The following DMD variants were observed in gnomAD, a reference collection of about 807,000 sequenced individuals.
DMD encodes mutant dystrophin.
Under a neutral mutation model 330.1 loss-of-function variants are expected in DMD, and 63 were observed. The ratio of observed to expected loss-of-function variants is 0.19; its 90% CI spans 0.16 to 0.24. The LOEUF (loss-of-function observed/expected upper bound fraction) is 0.24. DMD is among the 10% of genes least tolerant of loss of function. DMD has a pLI of 1.00. For synonymous variants in DMD, 1,223 were observed against 959.8 expected (o/e 1.27, Z -5.07); for missense variants, 3,344 against 2,684.1 (o/e 1.25, Z -5.43).
At chrX:33,008,428 T>G (rs1164914098) in intron 2 of DMD, among the ~76,000 whole-genome samples, 1 of 110,880 alleles carries the variant, frequency 9.0e-6, no homozygotes, top group Non-Finnish European at 1.9e-5. Flanking sequence ...AGGTTAAAAA[T>G]GCAACACCCT....
chrX:33,045,772 T>C (rs963130591), intron 1 of DMD, among the ~76,000 whole-genome samples: 2 of 110,859 alleles, frequency 1.8e-5, no homozygotes, highest in Non-Finnish European at 3.8e-5. Context: ...TGCTGAAAAA[T>C]AGTGCCCAAC....
intron 1 of DMD, among the ~76,000 whole-genome samples, chrX:33,026,313 CAAAAAAAAAAAAAAA>C (rs56794668): frequency 7.0e-4 from 23 of 32,779 alleles, no homozygotes; most frequent in Admixed American, 1.3e-3. Context: ...GACTCCGTCT[CAAAAAAAAAAAAAAA>C]AAAAAAAAAA....
chrX:31,909,844 G>C (rs750243954), intron 47 of DMD, among the ~76,000 whole-genome samples: 39 of 112,633 alleles, frequency 3.5e-4, no homozygotes, highest in Non-Finnish European at 6.4e-4. Context: ...ATGTGAAATA[G>C]TGTGAATAAT....
At chrX:32,655,299 A>T (rs1471791276) in intron 9 of DMD, among the ~76,000 whole-genome samples, 1 of 112,111 alleles carries the variant, frequency 8.9e-6, no homozygotes, top group Non-Finnish European at 1.9e-5. Flanking sequence ...CCCTCTACAC[A>T]CTGCTTTAAA....
intron 62 of DMD, chrX:31,267,058 C>A (rs371966146): frequency 5.4e-6 from 2 of 367,942 alleles, no homozygotes; most frequent in African/African-American, 2.7e-5. Flanking sequence ...CCCGGACACC[C>A]AGAGACTGGG....
intron 1 of DMD, among the ~76,000 whole-genome samples, chrX:33,180,823 C>T (rs1449273420): frequency 3.1e-5 from 3 of 95,453 alleles, no homozygotes; most frequent in Non-Finnish European, 6.1e-5. Context: ...GGTCCCATAT[C>T]GAGAGATAAT....
intron 1 of DMD, among the ~76,000 whole-genome samples, chrX:33,166,605 C>G (rs770274140): frequency 9.1e-6 from 1 of 110,382 alleles, no homozygotes; most frequent in South Asian, 3.8e-4. Context: ...GGTATGTATC[C>G]AAAAAAGTGT....
At chrX:31,369,020 A>G (rs186482284) in intron 60 of DMD, among the ~76,000 whole-genome samples, 1 of 111,987 alleles carries the variant, frequency 8.9e-6, no homozygotes, top group Non-Finnish European at 1.9e-5. Context: ...TCTCACCATC[A>G]TTAAACCTGG....
At chrX:31,412,169 G>A (rs963523446) in intron 60 of DMD, among the ~76,000 whole-genome samples, 2 of 85,822 alleles carry the variant, frequency 2.3e-5, no homozygotes, top group Non-Finnish European at 4.3e-5. Context: ...CTGGGTGACA[G>A]AGCGAGACTC....
intron 7 of DMD, among the ~76,000 whole-genome samples, chrX:32,730,329 G>T (rs1383126569): frequency 8.9e-6 from 1 of 112,273 alleles, no homozygotes; most frequent in Non-Finnish European, 1.9e-5. Flanking sequence ...CTGGGCAAAA[G>T]AGTAATATCT....
chrX:32,550,232 G>A (rs1373550066), intron 16 of DMD, among the ~76,000 whole-genome samples: 1 of 111,469 alleles, frequency 9.0e-6, no homozygotes, highest in East Asian at 2.8e-4. Flanking sequence ...AGAGAGTTGG[G>A]CATAAAACAA....
intron 1 of DMD, among the ~76,000 whole-genome samples, chrX:33,175,624 G>C (rs1375778853): frequency 8.9e-6 from 1 of 111,990 alleles, no homozygotes; most frequent in African/African-American, 3.2e-5. Flanking sequence ...ACCATGAAGT[G>C]AAAAGAACAT....
In DMD at chrX:31,543,136, GT is replaced by G. The variant is rs113087179; in HGVS notation, c.8218-35684del. ...GCAGATGGAAGACCCTTGCTGGCCT[GT>G]TTTTTTTTTAATTTATTTTTTATTT... On this transcript the variant is annotated intron_variant, in intron 55 of 78. Coordinates refer to ENST00000357033, the MANE Select transcript of DMD (RefSeq NM_004006.3). 9.9e-4 allele frequency among the ~76,000 whole-genome samples: 104 copies of G among 104,560 alleles called. No individual in the cohort carries two copies. In the East Asian group the frequency reaches 0.026, roughly 26 times the overall value. 90.8% of individuals were successfully genotyped at this position (104,560 alleles called of 115,157 possible). A position where few individuals can be genotyped will look rare whatever the true frequency, so the allele number is the denominator to read the frequency against.
At chrX:31,874,008 T>C (rs1331681798) in intron 48 of DMD, among the ~76,000 whole-genome samples, 1 of 111,477 alleles carries the variant, frequency 9.0e-6, no homozygotes, top group South Asian at 3.7e-4. Flanking sequence ...CAAAGAACAG[T>C]GCAGATGTGT....
At chrX:31,892,773 A>G (rs2094275184) in intron 47 of DMD, among the ~76,000 whole-genome samples, 1 of 111,905 alleles carries the variant, frequency 8.9e-6, no homozygotes, top group Admixed American at 9.5e-5. Context: ...TGGTAAACCT[A>G]CTGTATTATA....
At chrX:31,396,359 C>G (rs1051944125) in intron 60 of DMD, among the ~76,000 whole-genome samples, 11 of 109,888 alleles carry the variant, frequency 1.0e-4, no homozygotes, top group Non-Finnish European at 1.7e-4. Flanking sequence ...GGATGGTCTC[C>G]ATCTCCTGAC....
intron 2 of DMD, among the ~76,000 whole-genome samples, chrX:32,995,781 T>C (rs1339533308): frequency 8.9e-6 from 1 of 111,813 alleles, no homozygotes; most frequent in Non-Finnish European, 1.9e-5. Flanking sequence ...AAAGAGCATT[T>C]TAGTACCCCC....
intron 1 of DMD, among the ~76,000 whole-genome samples, chrX:33,330,211 C>T (rs2054150214): frequency 9.0e-6 from 1 of 111,078 alleles, no homozygotes; most frequent in Non-Finnish European, 1.9e-5. Flanking sequence ...TGATTCGATT[C>T]TTCAGAAAAT....
chrX:32,677,584 A>C (rs1171625846), intron 9 of DMD, among the ~76,000 whole-genome samples: 3 of 111,798 alleles, frequency 2.7e-5, no homozygotes, highest in Non-Finnish European at 3.8e-5. Context: ...CTTAAAATTA[A>C]TAGATTCCAA....
Sources: gnomAD v4.1 joint callset for allele counts (sites outside exome capture counted in the v4.1 genomes callset) on GRCh38, gnomAD v4.1.1 for gene constraint, MANE v1.5 for transcripts, NCBI Gene and HGNC (gene_info 2026-07-23, HGNC 2026-07-21) for gene names.